Variants in SH3PXD2A observed in about 807,000 individuals in gnomAD.
The protein encoded by SH3PXD2A is SH3 and PX domain-containing protein 2A.
In SH3PXD2A, 32 loss-of-function variants were observed where a neutral mutation model predicts 115.2. That is an observed-to-expected ratio of 0.28 (90% CI 0.21 to 0.37). The LOEUF is 0.37. SH3PXD2A is among the 10% of genes least tolerant of loss of function. The probability of loss-of-function intolerance (pLI) is 1.00; values close to 1 mark genes in which losing one functional copy is unlikely to be tolerated. For missense variants in SH3PXD2A, 1,328 were observed against 1,498.7 expected (o/e 0.89, Z 1.88); for synonymous variants, 610 against 629.1 (o/e 0.97, Z 0.45).
chr10:103,616,667 C>T (rs1428625036), intron 11 of SH3PXD2A, among the ~76,000 whole-genome samples: 1 of 152,238 alleles, frequency 6.6e-6, no homozygotes, highest in Non-Finnish European at 1.5e-5. Context: ...TGCAGCCAGC[C>T]CTGCAGATTG....
chr10:103,753,409 T>C (rs1261249721), intron 3 of SH3PXD2A, among the ~76,000 whole-genome samples: 1 of 147,450 alleles, frequency 6.8e-6, no homozygotes, highest in African/African-American at 2.5e-5. Flanking sequence ...GGCAGGAGAA[T>C]TGCTTGAACC....
chr10:103,714,346 C>T (rs772437689), intron 5 of SH3PXD2A, among the ~76,000 whole-genome samples: 1 of 152,190 alleles, frequency 6.6e-6, no homozygotes, highest in African/African-American at 2.4e-5. Flanking sequence ...CACACTCCTG[C>T]ACCAGGATAC....
intron 6 of SH3PXD2A, among the ~76,000 whole-genome samples, chr10:103,675,353 T>C (rs1280398051): frequency 6.6e-6 from 1 of 152,218 alleles, no homozygotes; most frequent in East Asian, 1.9e-4. Flanking sequence ...ACCTGAGGGT[T>C]TGGGGCCACT....
intron 2 of SH3PXD2A, among the ~76,000 whole-genome samples, chr10:103,797,944 C>T (rs1419610298): frequency 2.0e-5 from 3 of 152,064 alleles, no homozygotes; most frequent in South Asian, 2.1e-4. Context: ...TGTGCTGTTC[C>T]GAATGAAACT....
chr10:103,610,661 C>T (rs2036412798), intron 13 of SH3PXD2A, among the ~76,000 whole-genome samples: 1 of 152,202 alleles, frequency 6.6e-6, no homozygotes, highest in Admixed American at 6.5e-5. Flanking sequence ...CAGAATCCTC[C>T]TTAACCCAGT....
chr10:103,689,500 A>T (rs557146984), intron 6 of SH3PXD2A, among the ~76,000 whole-genome samples: 1 of 152,154 alleles, frequency 6.6e-6, no homozygotes, highest in South Asian at 2.1e-4. Context: ...CCTTGTCTCT[A>T]CTAAAACTGC....
chr10:103,787,676 C>G (rs1171895325), intron 2 of SH3PXD2A, among the ~76,000 whole-genome samples: 1 of 152,240 alleles, frequency 6.6e-6, no homozygotes, highest in Admixed American at 6.5e-5. Flanking sequence ...GGGACTGTCT[C>G]AGCAGGAAGA....
At chr10:103,725,552 C>T (rs542574426) in intron 4 of SH3PXD2A, among the ~76,000 whole-genome samples, 2 of 152,162 alleles carry the variant, frequency 1.3e-5, no homozygotes, top group African/African-American at 4.8e-5. Context: ...TTAGGCCAGG[C>T]GTGGTGGCTC....
chr10:103,789,554 CACAA>C (rs201645124), intron 2 of SH3PXD2A, among the ~76,000 whole-genome samples: 3 of 151,474 alleles, frequency 2.0e-5, no homozygotes, highest in South Asian at 2.1e-4. Flanking sequence ...CACACACACA[CACAA>C]CACTCACCTG....
chr10:103,635,338 A>G (rs2036847719), intron 8 of SH3PXD2A, among the ~76,000 whole-genome samples: 2 of 152,196 alleles, frequency 1.3e-5, no homozygotes, highest in South Asian at 4.1e-4. Flanking sequence ...AGCAAGAGAT[A>G]GTGGGGACCC....
At chr10:103,805,836 CA>C in intron 1 of SH3PXD2A, among the ~76,000 whole-genome samples, 1 of 152,248 alleles carries the variant, frequency 6.6e-6, no homozygotes, top group Admixed American at 6.5e-5. Context: ...CTGGCCTGGA[CA>C]ACATAGTGAG....
intron 8 of SH3PXD2A, among the ~76,000 whole-genome samples, chr10:103,631,388 GT>G (rs1351706788): frequency 6.6e-6 from 1 of 152,224 alleles, no homozygotes; most frequent in Non-Finnish European, 1.5e-5. Flanking sequence ...TTATGTGAAT[GT>G]GGTTTTTCTC....
chr10:103,729,175 C>T (rs995887458), intron 4 of SH3PXD2A, among the ~76,000 whole-genome samples: 1 of 152,214 alleles, frequency 6.6e-6, no homozygotes, highest in Non-Finnish European at 1.5e-5. Flanking sequence ...GCTGGGATTA[C>T]AGGCATGAGC....
At position 103,601,991 on chromosome 10, in the gene SH3PXD2A, A is replaced by G; in HGVS notation, c.3227T>C (p.Val1076Ala). The G allele has an allele frequency of 6.2e-7, 1 of 1,613,856 alleles. No individual in the cohort carries two copies. Among genetic ancestry groups the G allele is most frequent in the Non-Finnish European group, 8.5e-7 (1 of 1,179,932 alleles). Residue 1076 changes from valine to alanine, a missense_variant, in exon 15 of 15, where the codon GTG becomes GCG. This residue lies in a region of SH3PXD2A where 45 missense variants were observed against 73.6 expected (regional missense o/e 0.61). Transcript: ENST00000369774. ...SQFIHNNLKDVYVSIADYEGD... is the reference protein window; with the variant it reads ...SQFIHNNLKDAYVSIADYEGD... ...CTCGTAGTCTGCGATAGAGACGTAC[A>G]CATCTTTGAGGTTATTGTGGATGAA...
Position 103,596,644 on chromosome 10 carries a change from C to A in SH3PXD2A, c.*5172G>T, listed in dbSNP as rs950318202. The A allele has an allele frequency of 9.4e-6, 1 of 106,864 alleles. No homozygotes were observed. Among genetic ancestry groups the A allele is most frequent in the African/African-American group, 4.0e-5 (1 of 24,994 alleles). 6.6% of individuals were successfully genotyped at this position (106,864 alleles called of 1,614,324 possible). On this transcript the variant is annotated 3_prime_UTR_variant, in exon 15 of 15. Coordinates refer to ENST00000369774, the MANE Select transcript of SH3PXD2A (RefSeq NM_001394015.1). ...ACACTTGCATACACAGACACACACACACACACACACACACACACACTCTCT... is the reference window on the plus strand; with the variant it reads ...ACACTTGCATACACAGACACACACAAACACACACACACACACACACTCTCT...
At chr10:103,771,072 GGAGA>G (rs1235977540) in intron 2 of SH3PXD2A, among the ~76,000 whole-genome samples, 1 of 151,930 alleles carries the variant, frequency 6.6e-6, no homozygotes, top group African/African-American at 2.4e-5. Flanking sequence ...AGATGTCTGA[GGAGA>G]GAGGTGGGCC....
Position 103,602,385 on chromosome 10 carries a change from C to G in SH3PXD2A, c.2833G>C (p.Ala945Pro). The change falls in exon 15 of 15, where the codon GCC becomes CCC. Residue 945 changes from alanine to proline, a missense_variant. This residue lies in a region of SH3PXD2A where 574 missense variants were observed against 565.7 expected (regional missense o/e 1.01). Transcript: ENST00000369774. ...GGTTTGGAGGGGATGGGGGGCGTGG[C>G]CTTCTTGCTCTGGTTGACGGTGTTC... is the stretch of plus-strand genomic sequence containing the variant. Reference protein sequence around the residue: ...ALNTVNQSKKATPPIPSKPPG... With the variant: ...ALNTVNQSKKPTPPIPSKPPG... The G allele has an allele frequency of 6.2e-7, 1 of 1,613,922 alleles. No homozygotes were observed. Among genetic ancestry groups the G allele is most frequent in the Non-Finnish European group, 8.5e-7 (1 of 1,179,936 alleles).
intron 5 of SH3PXD2A, among the ~76,000 whole-genome samples, chr10:103,717,717 G>A (rs2038122770): frequency 6.6e-6 from 1 of 152,238 alleles, no homozygotes; most frequent in African/African-American, 2.4e-5. Flanking sequence ...GGAACACAAA[G>A]AGGCATTTCT....
intron 5 of SH3PXD2A, among the ~76,000 whole-genome samples, chr10:103,723,151 TC>T (rs2038202476): frequency 6.6e-6 from 1 of 151,980 alleles, no homozygotes; most frequent in Non-Finnish European, 1.5e-5. Flanking sequence ...ATCACCAGGT[TC>T]CCCCTGCCTC....
Sources: gnomAD v4.1 joint callset for allele counts (sites outside exome capture counted in the v4.1 genomes callset) on GRCh38, gnomAD v4.1.1 for gene constraint, gnomAD v4.1.1 regional missense constraint, MANE v1.5 for transcripts, NCBI Gene and HGNC (gene_info 2026-07-23, HGNC 2026-07-21) for gene names.